MACROD2: variants seen among roughly 807,000 people sequenced by gnomAD.
MACROD2 encodes the protein ADP-ribose glycohydrolase MACROD2.
In MACROD2, 36 loss-of-function variants were observed where a neutral mutation model predicts 70.4. The observed-to-expected ratio is 0.51, with a 90% CI of 0.39 to 0.68. The LOEUF (loss-of-function observed/expected upper bound fraction) is 0.68, where lower values mean the gene tolerates loss of function less well. Among genes scored for constraint, MACROD2 ranks in the 30% least tolerant of loss-of-function variants. The probability of loss-of-function intolerance (pLI) is 0.00; values close to 1 mark genes in which losing one functional copy is unlikely to be tolerated. For synonymous variants in MACROD2, 172 were observed against 178.8 expected, an observed-to-expected ratio of 0.96 and a Z score of 0.30; for missense variants, 496 against 538.4, an observed-to-expected ratio of 0.92 and a Z score of 0.78.
At chr20:14,729,842 A>C (rs1443452941) in intron 5 of MACROD2, among the ~76,000 whole-genome samples, 2 of 152,156 alleles carry the variant, frequency 1.3e-5, no homozygotes, top group African/African-American at 4.8e-5. Context: ...CCACAAAAGC[A>C]GCAAAGGTAG....
chr20:15,194,756 T>C (rs1199103122), intron 5 of MACROD2, among the ~76,000 whole-genome samples: 1 of 152,200 alleles, frequency 6.6e-6, no homozygotes, highest in East Asian at 1.9e-4. Context: ...CTTATTTTTT[T>C]CACTAATTTC....
chr20:15,707,021 A>G (rs955291960), intron 8 of MACROD2, among the ~76,000 whole-genome samples: 3 of 152,214 alleles, frequency 2.0e-5, no homozygotes, highest in Non-Finnish European at 2.9e-5. Flanking sequence ...TACAAAGGTT[A>G]TCAACCCTCC....
chr20:15,686,460 A>G, intron 8 of MACROD2, among the ~76,000 whole-genome samples: 1 of 152,204 alleles, frequency 6.6e-6, no homozygotes, highest in East Asian at 1.9e-4. Context: ...AAATAGGCTT[A>G]ATATATCTAC....
At chr20:15,158,299 G>A (rs921622471) in intron 5 of MACROD2, among the ~76,000 whole-genome samples, 5 of 152,128 alleles carry the variant, frequency 3.3e-5, no homozygotes, top group Non-Finnish European at 7.3e-5. Flanking sequence ...AATTATGATT[G>A]TAATAATACC....
At chr20:14,533,348 G>A (rs2085328193) in intron 4 of MACROD2, among the ~76,000 whole-genome samples, 1 of 152,146 alleles carries the variant, frequency 6.6e-6, no homozygotes, top group Non-Finnish European at 1.5e-5. Context: ...ACAAAAGCCA[G>A]TTCTATCTTT....
chr20:14,102,732 G>A (rs1937770497), intron 3 of MACROD2, among the ~76,000 whole-genome samples: 1 of 152,296 alleles, frequency 6.6e-6, no homozygotes, highest in East Asian at 1.9e-4. Context: ...GGTGATGGAT[G>A]GGAATATATG....
intron 6 of MACROD2, among the ~76,000 whole-genome samples, chr20:15,253,418 C>T (rs2077172615): frequency 6.6e-6 from 1 of 152,218 alleles, no homozygotes; most frequent in East Asian, 1.9e-4. Flanking sequence ...AGCTATGCAG[C>T]AGGTCCAGCA....
intron 8 of MACROD2, among the ~76,000 whole-genome samples, chr20:15,584,709 G>T (rs1227662763): frequency 2.0e-5 from 3 of 152,194 alleles, no homozygotes; most frequent in African/African-American, 7.2e-5. Context: ...TGGTACCCAT[G>T]CCGGGGCTGG....
intron 6 of MACROD2, among the ~76,000 whole-genome samples, chr20:15,421,435 T>C (rs4814368): frequency 0.17 from 26,506 of 151,974 alleles, 2,800 homozygotes; most frequent in Non-Finnish European, 0.25. Flanking sequence ...TACAGCAAAA[T>C]TTACACACAG....
intron 7 of MACROD2, among the ~76,000 whole-genome samples, chr20:15,431,885 CTT>C (rs2046367909): frequency 6.6e-6 from 1 of 151,828 alleles, no homozygotes; most frequent in Non-Finnish European, 1.5e-5. Context: ...AAAGAAGTGA[CTT>C]TTACTAAATA....
rs552487035 is a variant in MACROD2, at chr20:15,851,259, G to A, written c.646-11486G>A. ...GTGATCCGGTCACAGCAAAGGCTTCGGCTGATCCCAACAGGGGCTCAGGAG... is the reference window on the plus strand; with the variant it reads ...GTGATCCGGTCACAGCAAAGGCTTCAGCTGATCCCAACAGGGGCTCAGGAG... On this transcript the variant is annotated intron_variant, in intron 8 of 17. Coordinates refer to ENST00000684519, the MANE Select transcript of MACROD2 (RefSeq NM_001351661.2). 4.8e-4 allele frequency among the ~76,000 whole-genome samples: 73 copies of A among 151,706 alleles called. 1 individual carries two copies. The highest frequency in any genetic ancestry group is 1.6e-3 in the African/African-American group (68 of 41,388).
intron 8 of MACROD2, chr20:15,552,263 A>G (rs929281346): frequency 2.6e-5 from 4 of 152,160 alleles, no homozygotes; most frequent in Non-Finnish European, 5.9e-5. Context: ...AGATGTTCAC[A>G]GTCTTTCTTT....
intron 5 of MACROD2, among the ~76,000 whole-genome samples, chr20:14,985,799 G>A (rs1218665976): frequency 6.6e-6 from 1 of 150,610 alleles, no homozygotes; most frequent in African/African-American, 2.4e-5. Context: ...TAGAGATATG[G>A]GGCCAGGGTC....
intron 5 of MACROD2, among the ~76,000 whole-genome samples, chr20:15,046,009 TCTC>T (rs1349624821): frequency 6.6e-6 from 1 of 151,968 alleles, no homozygotes; most frequent in African/African-American, 2.4e-5. Flanking sequence ...AGTCCAGCCT[TCTC>T]CTCTCTGTGG....
chr20:15,280,180 G>A (rs1016986032), intron 6 of MACROD2, among the ~76,000 whole-genome samples: 11 of 152,092 alleles, frequency 7.2e-5, no homozygotes, highest in Non-Finnish European at 1.6e-4. Flanking sequence ...TGCTGCCTTA[G>A]GGAAATAACA....
intron 5 of MACROD2, among the ~76,000 whole-genome samples, chr20:15,129,204 A>G (rs1488795429): frequency 6.6e-6 from 1 of 152,070 alleles, no homozygotes; most frequent in South Asian, 2.1e-4. Context: ...ATCTGTATTT[A>G]ATATATGGAT....
chr20:15,007,924 A>C (rs2075052862), intron 5 of MACROD2, among the ~76,000 whole-genome samples: 1 of 152,220 alleles, frequency 6.6e-6, no homozygotes, highest in African/African-American at 2.4e-5. Flanking sequence ...CCTGATTTGC[A>C]TTCAGAATCC....
At chr20:15,166,942 T>G (rs1441295705) in intron 5 of MACROD2, among the ~76,000 whole-genome samples, 1 of 148,732 alleles carries the variant, frequency 6.7e-6, no homozygotes, top group African/African-American at 2.4e-5. Context: ...AAGTATTTAA[T>G]TTAAGTATTA....
intron 5 of MACROD2, among the ~76,000 whole-genome samples, chr20:14,890,515 T>G (rs569965251): frequency 6.6e-6 from 1 of 152,018 alleles, no homozygotes; most frequent in Admixed American, 6.6e-5. Flanking sequence ...TGCCTGTAAT[T>G]CCAGCAATTT....
Sources: gnomAD v4.1 joint callset for allele counts (sites outside exome capture counted in the v4.1 genomes callset) on GRCh38, gnomAD v4.1.1 for gene constraint, MANE v1.5 for transcripts, NCBI Gene and HGNC (gene_info 2026-07-23, HGNC 2026-07-21) for gene names.